Variants in LAD1 observed in about 807,000 individuals in gnomAD.
LAD1 encodes the protein ladinin 1, also known as ladinin-1.
LAD1 carries 53 observed loss-of-function variants against 54.2 expected under a neutral mutation model. The observed-to-expected ratio is 0.98, with a 90% CI of 0.78 to 1.23. The LOEUF is 1.23. LAD1 is among the 50% of genes most tolerant of loss of function. The pLI is 0.00. For synonymous variants in LAD1, 231 were observed against 257.7 expected, an observed-to-expected ratio of 0.90 and a Z score of 0.99; for missense variants, 637 against 653.3, an observed-to-expected ratio of 0.98 and a Z score of 0.27.
Position 201,389,288 on chromosome 1 carries a change from C to T in LAD1, c.54G>A (p.Arg18=). 23 of 1,613,208 alleles carry T rather than the reference C, an allele frequency of 1.4e-5. No homozygotes were observed. Among genetic ancestry groups the T allele is most frequent in the Non-Finnish European group, 1.9e-5 (23 of 1,179,892 alleles). ...WSALSSLARQ[R]TLEDEEEQER... is the part of the protein sequence containing the mutation. ...CCTGTTCCTCCTCATCCTCCAGAGT[C>T]CTCTGCCGGGCAAGGCTGGGGGAGG... The change falls in exon 2 of 10, where the codon AGG becomes AGA. Residue 18 remains arginine (R), a synonymous_variant. Transcript: ENST00000391967.
At chr1:201,387,733 G>T (rs1210561650) in intron 2 of LAD1, among the ~76,000 whole-genome samples, 3 of 152,326 alleles carry the variant, frequency 2.0e-5, no homozygotes, top group East Asian at 1.9e-4. Context: ...GGGCAAGGCT[G>T]GGGGAGGGGA....
chr1:201,391,126 T>C lies in LAD1; in HGVS notation c.39-1823A>G, dbSNP rs532564750. On this transcript the variant is annotated intron_variant, in intron 1 of 9. Coordinates refer to ENST00000391967, the MANE Select transcript of LAD1 (RefSeq NM_005558.4). ...CCTTCCTTTCACTTCCCAGGGGCTC[T>C]TGGAGCCTCCCTCACCTTTCAGATG... 1.4e-4 allele frequency: 66 copies of C among 456,688 alleles called. 1 individual carries two copies. The highest frequency in any genetic ancestry group is 1.1e-3 in the African/African-American group (57 of 50,194). The allele number at this position is 456,688 out of a possible 1,614,324, so 28.3% of individuals were successfully genotyped here.
At chr1:201,387,579 T>C (rs1357198488) in intron 2 of LAD1, among the ~76,000 whole-genome samples, 1 of 152,144 alleles carries the variant, frequency 6.6e-6, no homozygotes, top group African/African-American at 2.4e-5. Context: ...ACACAGCTGA[T>C]TCGTGGGGGA....
chr1:201,395,343 T>G (rs181724163), intron 1 of LAD1, among the ~76,000 whole-genome samples: 1 of 152,308 alleles, frequency 6.6e-6, no homozygotes, highest in Admixed American at 6.5e-5. Context: ...CTCAAAACAG[T>G]GTTAGGCACT....
intron 2 of LAD1, among the ~76,000 whole-genome samples, chr1:201,387,874 T>C (rs1442236275): frequency 6.6e-6 from 1 of 152,180 alleles, no homozygotes; most frequent in East Asian, 1.9e-4. Flanking sequence ...TTATTTTCCT[T>C]CCTCATCACC....
rs925949426 is a variant in LAD1, at chr1:201,387,138, G to C, written c.223C>G (p.Pro75Ala). 3 of 1,542,062 alleles carry C rather than the reference G, an allele frequency of 1.9e-6. No homozygotes were observed. Among genetic ancestry groups the C allele is most frequent in the Non-Finnish European group, 2.6e-6 (3 of 1,147,440 alleles). Residue 75 changes from proline (P) to alanine (A), a missense_variant, in exon 3 of 10, where the codon CCC (proline) becomes GCC (alanine). Physicochemically the swap from Pro to Ala is conservative, Grantham distance 27 (BLOSUM62 -1). Coordinates refer to ENST00000391967, the MANE Select transcript of LAD1 (RefSeq NM_005558.4). ...VEEAEVPKPL[P>A]PASKDEDEDI... ...TCGTCCTCATCTTTGGAGGCTGGGG[G>C]CAGTGGCTTGGGCACCTCTGCTTCT...
At position 201,385,709 on chromosome 1, in the gene LAD1, A is replaced by T. The variant is rs1236354840; in HGVS notation, c.1123T>A (p.Ser375Thr). The part of the protein sequence containing the change: ...SLKRSSPRTI[S>T]FRMKPKKENS... ...GTGCCCAGGGCTCTCACCCGAAAGG[A>T]GATGGTCCTGGGGCTGGAGCGTTTG... The change falls in exon 4 of 10, where the codon TCC becomes ACC. Residue 375 changes from serine (S) to threonine (T), a missense_variant. Coordinates refer to ENST00000391967, the MANE Select transcript of LAD1 (RefSeq NM_005558.4). 3 of 1,613,160 alleles carry T rather than the reference A, an allele frequency of 1.9e-6. No individual in the cohort carries two copies. The highest frequency in any genetic ancestry group is 2.5e-6 in the Non-Finnish European group (3 of 1,179,322).
intron 4 of LAD1, 49 bp from the exon 5 acceptor site, chr1:201,384,884 G>C (rs538260459): frequency 2.5e-6 from 4 of 1,595,320 alleles, no homozygotes; most frequent in South Asian, 1.1e-5. Flanking sequence ...CCGGGAAATC[G>C]GTGGCCCCCT....
chr1:201,382,289 T>C lies in LAD1; in HGVS notation c.1511A>G (p.Gln504Arg), dbSNP rs1293560071. ...QKASSATERTQWGQKSDSSLD... is the reference protein window; with the variant it reads ...QKASSATERTRWGQKSDSSLD... The stretch of plus-strand genomic sequence containing the variant: ...CGAGGAGTCAGATTTCTGTCCCCAC[T>C]GAGTCCTCTCGGTTGCAGATGATGC... The change falls in exon 9 of 10, where the codon CAG becomes CGG. Residue 504 changes from glutamine to arginine, a missense_variant. Physicochemically the swap from Gln to Arg is conservative, Grantham distance 43. Coordinates refer to ENST00000391967, the MANE Select transcript of LAD1 (RefSeq NM_005558.4). 18 of 1,613,924 alleles carry C rather than the reference T, an allele frequency of 1.1e-5. No individual in the cohort carries two copies. The highest frequency in any genetic ancestry group is 1.4e-5 in the Non-Finnish European group (16 of 1,179,908).
At position 201,387,007 on chromosome 1, in the gene LAD1, C is replaced by T. The variant is rs1662104635; in HGVS notation, c.354G>A (p.Gly118=). The T allele has an allele frequency of 1.9e-6, 3 of 1,609,598 alleles. No homozygotes were observed. The Admixed American group carries it at 5.1e-5, about 27-fold the overall frequency. Reference sequence around the variant, plus strand: ...CCTGCACAGGGCTCAAGCTGTTCCTCCCCTCCTCTGCCTCCAGCCTCTCCT... The same window carrying T: ...CCTGCACAGGGCTCAAGCTGTTCCTTCCCTCCTCTGCCTCCAGCCTCTCCT... ...PIQERLEAEE[G]RNSLSPVQAT... Residue 118 remains glycine, a synonymous_variant, in exon 3 of 10, where the codon GGG becomes GGA. Coordinates refer to ENST00000391967, the MANE Select transcript of LAD1 (RefSeq NM_005558.4).
In LAD1 at chr1:201,382,727, G is replaced by T; in HGVS notation, c.1399C>A (p.Leu467Ile). ...PASSRKENLRLSGVVTSRLNL... is the reference protein window; with the variant it reads ...PASSRKENLRISGVVTSRLNL... ...AGCCTTGATGTCACAACCCCTGAGA[G>T]CCTCAAGTTCTCCTAAAAAGAGAAC... The change falls in exon 8 of 10, where the codon CTC (leucine) becomes ATC (isoleucine). Residue 467 changes from leucine (L) to isoleucine (I), a missense_variant. Coordinates refer to ENST00000391967, the MANE Select transcript of LAD1 (RefSeq NM_005558.4). 3 of 1,603,396 alleles carry T rather than the reference G, an allele frequency of 1.9e-6. No homozygotes were observed. Among genetic ancestry groups the T allele is most frequent in the Non-Finnish European group, 2.6e-6 (3 of 1,174,968 alleles).
chr1:201,396,047 AGCCTGGG>A (rs1662282637), intron 1 of LAD1, among the ~76,000 whole-genome samples: 1 of 41,036 alleles, frequency 2.4e-5, no homozygotes, highest in Non-Finnish European at 4.5e-5. Context: ...AAAGCCTGGG[AGCCTGGG>A]AGGGCAGAGG....
rs552556260 is a variant in LAD1 at position 201,390,713 on chromosome 1, C to G, written c.39-1410G>C. Among the ~76,000 whole-genome samples, 234 of 152,278 alleles carry G rather than the reference C, an allele frequency of 1.5e-3. 1 individual carries two copies. Among genetic ancestry groups the G allele is most frequent in the African/African-American group, 5.5e-3 (229 of 41,548 alleles). On this transcript the variant is annotated intron_variant, in intron 1 of 9. Coordinates refer to ENST00000391967, the MANE Select transcript of LAD1 (RefSeq NM_005558.4). ...CAGGACGTTTAGCAGCATCTCTAGC[C>G]TCTACCTGCTGGGTGCCAGTAGTAC...
In LAD1 at chr1:201,389,310, G is replaced by A. The variant is rs1355613370; in HGVS notation, c.39-7C>T. ...AGTCCTCTGCCGGGCAAGGCTGGGG[G>A]AGGGGAGGAGAGGGTCAGCACAGCT... is the stretch of plus-strand genomic sequence containing the variant. On this transcript the variant is annotated splice_region_variant and splice_polypyrimidine_tract_variant and intron_variant, in intron 1 of 9. Coordinates refer to ENST00000391967, the MANE Select transcript of LAD1 (RefSeq NM_005558.4). 2 of 1,609,228 alleles carry A rather than the reference G, an allele frequency of 1.2e-6. No homozygotes were observed. Among genetic ancestry groups the A allele is most frequent in the Non-Finnish European group, 8.5e-7 (1 of 1,179,144 alleles).
chr1:201,393,021 A>T (rs539556801), intron 1 of LAD1, among the ~76,000 whole-genome samples: 50 of 152,258 alleles, frequency 3.3e-4, no homozygotes, highest in Admixed American at 1.4e-3. Flanking sequence ...AGAAAAATCA[A>T]GAACTGCTAG....
In LAD1 at chr1:201,386,372, G is replaced by A. The variant is rs757609258; in HGVS notation, c.989C>T (p.Pro330Leu). ...GGGTGGGAGGCGGGAGGCCACAGTC[G>A]GAGGGTCTGAAGCCCCCTGCTTTGC... ...SLAKQGASDP[P>L]TVASRLPPVT... Residue 330 changes from proline to leucine, a missense_variant, in exon 3 of 10, where the codon CCG becomes CTG. Physicochemically the swap from Pro to Leu is moderately conservative, Grantham distance 98. Coordinates refer to ENST00000391967, the MANE Select transcript of LAD1 (RefSeq NM_005558.4). The A allele has an allele frequency of 2.4e-5, 36 of 1,505,930 alleles. No homozygotes were observed. Among genetic ancestry groups the A allele is most frequent in the Non-Finnish European group, 2.6e-5 (29 of 1,130,124 alleles). The allele number at this position is 1,505,930 out of a possible 1,614,324, so 93.3% of individuals were successfully genotyped here. A position where few individuals can be genotyped will look rare whatever the true frequency, so the allele number is the denominator to read the frequency against.
chr1:201,384,953 T>G, intron 4 of LAD1, 118 bp from the exon 5 acceptor site: 1 of 894,502 alleles, frequency 1.1e-6, no homozygotes, highest in Non-Finnish European at 1.8e-6. Flanking sequence ...TCCCACCCCT[T>G]CTACCAGGGG....
chr1:201,399,136 C>T, intron 1 of LAD1, 133 bp downstream of exon 1: 2 of 811,054 alleles, frequency 2.5e-6, no homozygotes, highest in Non-Finnish European at 4.0e-6. Context: ...CTGTCTCCCG[C>T]GAGTCGCAGC....
intron 1 of LAD1, among the ~76,000 whole-genome samples, chr1:201,392,369 C>G (rs546273127): frequency 1.3e-5 from 2 of 152,354 alleles, no homozygotes; most frequent in African/African-American, 4.8e-5. Context: ...ATGGGGGAGT[C>G]AGACCATGAG....
Sources: gnomAD v4.1 joint callset for allele counts (sites outside exome capture counted in the v4.1 genomes callset) on GRCh38, gnomAD v4.1.1 for gene constraint, MANE v1.5 for transcripts, NCBI Gene and HGNC (gene_info 2026-07-23, HGNC 2026-07-21) for gene names.